The following FGF13 variants were observed in gnomAD, a reference collection of about 807,000 sequenced individuals.
FGF13 encodes the protein fibroblast growth factor 13.
FGF13 carries 2 observed loss-of-function variants against 19.5 expected under a neutral mutation model. The observed-to-expected ratio is 0.10, with a 90% confidence interval of 0.04 to 0.32. The LOEUF is 0.32. FGF13 is among the 10% of genes least tolerant of loss of function. FGF13 has a pLI of 1.00. For synonymous variants in FGF13, 72 were observed against 76.9 expected (o/e 0.94, Z 0.33); for missense variants, 113 against 192.7 (o/e 0.59, Z 2.45).
intron 1 of FGF13, among the ~76,000 whole-genome samples, chrX:139,034,398 T>C (rs1046923263): frequency 9.0e-6 from 1 of 111,070 alleles, no homozygotes; most frequent in Non-Finnish European, 1.9e-5. Flanking sequence ...AGTGGGGAGA[T>C]AATGTGATCC....
At chrX:138,979,957 T>C (rs748275600) in intron 1 of FGF13, among the ~76,000 whole-genome samples, 9 of 111,770 alleles carry the variant, frequency 8.1e-5, no homozygotes, top group African/African-American at 1.6e-4. Context: ...ATGGCAGACA[T>C]TTCCCATAAA....
chrX:139,172,272 T>C (rs1327077576), intron 1 of FGF13, among the ~76,000 whole-genome samples: 1 of 112,045 alleles, frequency 8.9e-6, no homozygotes, highest in African/African-American at 3.2e-5. Flanking sequence ...GTGATGAATT[T>C]GATAGCTCTT....
At chrX:138,902,803 G>A (rs1383390651) in intron 1 of FGF13, among the ~76,000 whole-genome samples, 1 of 111,369 alleles carries the variant, frequency 9.0e-6, no homozygotes, top group Non-Finnish European at 1.9e-5. Flanking sequence ...ATTATATGCA[G>A]CATCACCTAA....
At chrX:138,932,703 AGTGT>A (rs57793547) in intron 1 of FGF13, among the ~76,000 whole-genome samples, 1,168 of 90,283 alleles carry the variant, frequency 0.013, 23 homozygotes, top group African/African-American at 0.036. Flanking sequence ...TCAGGAGTGT[AGTGT>A]GTGTGTGTGT....
Position 138,660,217 on chromosome X carries a change from G to A in FGF13, c.403-24562C>T, listed in dbSNP as rs367771956. Among the ~76,000 whole-genome samples, 4 of 111,779 alleles carry A rather than the reference G, an allele frequency of 3.6e-5. 1 individual carries two copies. In the East Asian group the frequency reaches 8.5e-4, roughly 24 times the overall value. ...CATAGGTTATTAATTCAACATTGGT[G>A]AGATGAAATAAAATGTAACTGTATT... is the stretch of plus-strand genomic sequence containing the variant. On this transcript the variant is annotated intron_variant, in intron 3 of 4. Coordinates refer to ENST00000315930, the MANE Select transcript of FGF13 (RefSeq NM_004114.5).
At chrX:138,948,944 G>GT (rs1451167768) in intron 1 of FGF13, among the ~76,000 whole-genome samples, 1 of 111,894 alleles carries the variant, frequency 8.9e-6, no homozygotes, top group Non-Finnish European at 1.9e-5. Flanking sequence ...AATTAGAGAG[G>GT]TAAGGAACAG....
At chrX:139,204,000 G>A, upstream of FGF13, 1 of 1,150,455 alleles carries the variant, frequency 8.7e-7, no homozygotes, top group Non-Finnish European at 1.2e-6. Flanking sequence ...CGGCGCGCAC[G>A]CGAGGGGGCG....
At chrX:138,937,003 A>T (rs904432746) in intron 1 of FGF13, among the ~76,000 whole-genome samples, 3 of 111,776 alleles carry the variant, frequency 2.7e-5, no homozygotes, top group African/African-American at 9.8e-5. Flanking sequence ...CTGCAGTGCC[A>T]GGCCATCTCT....
At chrX:138,807,259 C>T (rs2124016837) in intron 3 of FGF13, among the ~76,000 whole-genome samples, 1 of 111,962 alleles carries the variant, frequency 8.9e-6, no homozygotes, top group Non-Finnish European at 1.9e-5. Context: ...CAGCAAATTT[C>T]AGTTTATGTA....
At chrX:138,647,967 T>C (rs2089325287) in intron 3 of FGF13, among the ~76,000 whole-genome samples, 1 of 112,323 alleles carries the variant, frequency 8.9e-6, no homozygotes, top group South Asian at 3.7e-4. Context: ...AGCATAGAAG[T>C]GGTTTCAGAT....
At chrX:138,757,494 C>G (rs1221865979) in intron 3 of FGF13, among the ~76,000 whole-genome samples, 1 of 110,807 alleles carries the variant, frequency 9.0e-6, no homozygotes, top group African/African-American at 3.3e-5. Context: ...AAATGTCAGT[C>G]AAAGGCCTGA....
intron 1 of FGF13, chrX:138,739,122 G>A (rs1216075102): frequency 1.3e-5 from 6 of 471,093 alleles, no homozygotes; most frequent in Non-Finnish European, 2.2e-5. Flanking sequence ...CATCCAGAAC[G>A]AAAAATATCT....
chrX:139,090,941 C>CAAAA (rs1181771963), intron 1 of FGF13, among the ~76,000 whole-genome samples: 1,432 of 32,687 alleles, frequency 0.044, 55 homozygotes, highest in East Asian at 0.11. Flanking sequence ...GACCCTGTCT[C>CAAAA]AAAAAAAAAA....
At chrX:139,187,718 T>A (rs1244384704) in intron 1 of FGF13, among the ~76,000 whole-genome samples, 1 of 112,182 alleles carries the variant, frequency 8.9e-6, no homozygotes, top group Non-Finnish European at 1.9e-5. Context: ...GCCTACTTGT[T>A]TTTCATGCAT....
chrX:139,199,300 GT>G (rs377207947), intron 1 of FGF13, among the ~76,000 whole-genome samples: 5 of 110,872 alleles, frequency 4.5e-5, no homozygotes, highest in South Asian at 7.5e-4. Context: ...AATGCACATG[GT>G]TTTTCCCCCC....
chrX:138,828,721 GTAT>G (rs2091051739), intron 3 of FGF13, among the ~76,000 whole-genome samples: 1 of 109,011 alleles, frequency 9.2e-6, no homozygotes, highest in African/African-American at 3.4e-5. Flanking sequence ...ATTATTAGAA[GTAT>G]TTTTTTTTTT....
At chrX:138,835,762 T>C (rs2091108187) in intron 3 of FGF13, among the ~76,000 whole-genome samples, 1 of 111,838 alleles carries the variant, frequency 8.9e-6, no homozygotes, top group Non-Finnish European at 1.9e-5. Context: ...GACTGTGTAA[T>C]TCAGTGTGTT....
intron 4 of FGF13, among the ~76,000 whole-genome samples, chrX:138,634,762 T>C (rs764750274): frequency 6.2e-5 from 7 of 112,137 alleles, no homozygotes; most frequent in Admixed American, 9.5e-5. Flanking sequence ...GATGTTGGCA[T>C]GGATGTGGTG....
intron 1 of FGF13, among the ~76,000 whole-genome samples, chrX:139,035,744 G>A (rs1473490865): frequency 9.0e-6 from 1 of 111,209 alleles, no homozygotes; most frequent in African/African-American, 3.3e-5. Flanking sequence ...GAGAAGGTGG[G>A]CTTAGGAGGG....
Sources: gnomAD v4.1 joint callset for allele counts (sites outside exome capture counted in the v4.1 genomes callset) on GRCh38, gnomAD v4.1.1 for gene constraint, MANE v1.5 for transcripts, NCBI Gene and HGNC (gene_info 2026-07-23, HGNC 2026-07-21) for gene names.